The following ATP2A2 variants were observed in gnomAD, a reference collection of about 807,000 sequenced individuals.
ATP2A2 encodes the protein ATPase sarcoplasmic/endoplasmic reticulum Ca2+ transporting 2, also known as sarcoplasmic/endoplasmic reticulum calcium ATPase 2.
In ATP2A2, 14 loss-of-function variants were observed where a neutral mutation model predicts 109.3. That is an observed-to-expected ratio of 0.13 (90% CI 0.08 to 0.20). The LOEUF (loss-of-function observed/expected upper bound fraction) is 0.20, where lower values mean the gene tolerates loss of function less well. Ranked by LOEUF, ATP2A2 falls within the 10% of genes least tolerant of loss-of-function variation. The pLI, the probability that ATP2A2 is intolerant of heterozygous loss-of-function variation, is 1.00. For missense variants in ATP2A2, 657 were observed against 1,321.6 expected (o/e 0.50, Z 7.80); for synonymous variants, 506 against 490.9 (o/e 1.03, Z -0.41).
rs7978043 is a variant in ATP2A2, at chr12:110,339,158, C to T, written c.1420-123C>T. 2 of 1,371,032 alleles carry T rather than the reference C, an allele frequency of 1.5e-6. No homozygotes were observed. Among genetic ancestry groups the T allele is most frequent in the Non-Finnish European group, 2.0e-6 (2 of 976,006 alleles). The allele number at this position is 1,371,032 out of a possible 1,614,324, so 84.9% of individuals were successfully genotyped here. A position where few individuals can be genotyped will look rare whatever the true frequency, so the allele number is the denominator to read the frequency against. ...GGACAAGTTTCATGAGGGCAAAAAC[C>T]TGTCTGTTTTGTTTATTGCTATATT... On this transcript the variant is annotated intron_variant, in intron 11 of 19. Coordinates refer to ENST00000539276, the MANE Select transcript of ATP2A2 (RefSeq NM_170665.4). This position sits in a 1 kb window ranked among gnomAD's most constrained non-coding sequence, Gnocchi z 4.4.
chr12:110,341,822 T>C (rs563074100), intron 14 of ATP2A2, among the ~76,000 whole-genome samples: 50 of 152,286 alleles, frequency 3.3e-4, no homozygotes, highest in African/African-American at 1.2e-3. Flanking sequence ...GAGCCGAGAC[T>C]GCGCCACTGC....
At position 110,349,885 on chromosome 12, in the gene ATP2A2, G is replaced by T; in HGVS notation, c.*3415G>T. On this transcript the variant is annotated 3_prime_UTR_variant, in exon 20 of 20. Coordinates refer to ENST00000539276, the MANE Select transcript of ATP2A2 (RefSeq NM_170665.4). ...AAGGCAGGCGAGCAGCCAGAAGCCG[G>T]GTGCCCACAGGGCAGGGACAGGAAG... 1 of 1,060,644 alleles carries T rather than the reference G, an allele frequency of 9.4e-7. No individual in the cohort carries two copies. The highest frequency in any genetic ancestry group is 1.1e-6 in the Non-Finnish European group (1 of 876,032). The allele number at this position is 1,060,644 out of a possible 1,614,324, so 65.7% of individuals were successfully genotyped here.
chr12:110,347,486 A>C lies in ATP2A2; in HGVS notation c.*1016A>C. 7.8e-7 allele frequency: 1 copy of C among 1,289,140 alleles called. No individual in the cohort carries two copies. Among genetic ancestry groups the C allele is most frequent in the Non-Finnish European group, 1.0e-6 (1 of 988,710 alleles). 79.9% of individuals were successfully genotyped at this position (1,289,140 alleles called of 1,614,324 possible). A position where few individuals can be genotyped will look rare whatever the true frequency, so the allele number is the denominator to read the frequency against. On this transcript the variant is annotated 3_prime_UTR_variant, in exon 20 of 20. Transcript: ENST00000539276. Reference sequence around the variant, plus strand: ...GTCATAGGAATTGTATTCTTAATGTACAGGCACTAATTGTCATCTGTGATG... The same window carrying C: ...GTCATAGGAATTGTATTCTTAATGTCCAGGCACTAATTGTCATCTGTGATG...
In ATP2A2 at chr12:110,347,957, T is replaced by G. The variant is rs1386437567; in HGVS notation, c.*1487T>G. On this transcript the variant is annotated 3_prime_UTR_variant, in exon 20 of 20. Transcript: ENST00000539276. The stretch of plus-strand genomic sequence containing the variant: ...TTGCCTGTGGCGCCTGCCATGTGAC[T>G]CGGGCGCAGCATCAGCTGGCTGGAG... The G allele has an allele frequency of 4.1e-6, 4 of 987,404 alleles. No homozygotes were observed. In the East Asian group the frequency reaches 4.5e-4, roughly 111 times the overall value. The allele number at this position is 987,404 out of a possible 1,614,324, so 61.2% of individuals were successfully genotyped here. A position where few individuals can be genotyped will look rare whatever the true frequency, so the allele number is the denominator to read the frequency against.
intron 5 of ATP2A2, among the ~76,000 whole-genome samples, chr12:110,317,870 A>T (rs1876835627): frequency 6.6e-6 from 1 of 152,218 alleles, no homozygotes; most frequent in African/African-American, 2.4e-5. Flanking sequence ...TCTTTATTGT[A>T]ATAGCAAATT....
intron 5 of ATP2A2, among the ~76,000 whole-genome samples, chr12:110,307,683 C>A (rs559105788): frequency 6.6e-6 from 1 of 152,212 alleles, no homozygotes; most frequent in East Asian, 1.9e-4. Flanking sequence ...GCCCACTTTT[C>A]AACAGTGATT....
intron 4 of ATP2A2, among the ~76,000 whole-genome samples, chr12:110,294,492 G>C (rs1048776698): frequency 8.6e-5 from 13 of 151,866 alleles, no homozygotes; most frequent in African/African-American, 3.1e-4. Flanking sequence ...AGTCCCCGTC[G>C]CTACTAAAAA....
At chr12:110,329,677 C>G (rs1038258612) in intron 8 of ATP2A2, 1 of 152,342 alleles carries the variant, frequency 6.6e-6, no homozygotes, top group East Asian at 1.9e-4. Context: ...TTTTGAAAGC[C>G]TCCCAAAGTG....
At chr12:110,298,400 A>ATGT (rs1263802763) in intron 5 of ATP2A2, among the ~76,000 whole-genome samples, 2 of 152,220 alleles carry the variant, frequency 1.3e-5, no homozygotes, top group African/African-American at 4.8e-5. Flanking sequence ...TCAGAATGAA[A>ATGT]TGTCTTGGCT....
chr12:110,284,173 T>G (rs563281839), intron 3 of ATP2A2, among the ~76,000 whole-genome samples: 1 of 152,302 alleles, frequency 6.6e-6, no homozygotes, highest in African/African-American at 2.4e-5. Context: ...CTTGATTGAT[T>G]AAAAAATTTT....
Position 110,312,866 on chromosome 12 carries a change from G to C in ATP2A2, c.464-10126G>C, listed in dbSNP as rs11065624. Among the ~76,000 whole-genome samples, 188 of 142,678 alleles carry C rather than the reference G, an allele frequency of 1.3e-3. 1 individual carries two copies. In the East Asian group the frequency reaches 0.02, roughly 15 times the overall value. 93.6% of individuals were successfully genotyped at this position (142,678 alleles called of 152,430 possible). On this transcript the variant is annotated intron_variant, in intron 5 of 19. Coordinates refer to ENST00000539276, the MANE Select transcript of ATP2A2 (RefSeq NM_170665.4). The stretch of plus-strand genomic sequence containing the variant: ...CTCTGTTGCAAAAAAAAAAAAAAAA[G>C]AAAACAAAACAAAAAAGAAAAATTG...
At chr12:110,282,528 G>T in intron 1 of ATP2A2, 76 bp from the exon 2 acceptor site, 2 of 1,551,750 alleles carry the variant, frequency 1.3e-6, no homozygotes, top group Non-Finnish European at 1.8e-6. Flanking sequence ...GAAAAACGAA[G>T]TGCTAAAATG....
intron 16 of ATP2A2, 69 bp from the exon 17 acceptor site, chr12:110,344,817 C>T: frequency 6.8e-7 from 1 of 1,462,422 alleles, no homozygotes; most frequent in African/African-American, 1.4e-5. Flanking sequence ...TGGGGACTGG[C>T]CTGCATGGCC....
intron 4 of ATP2A2, 62 bp from the exon 5 acceptor site, chr12:110,296,537 G>A: frequency 6.3e-7 from 1 of 1,598,332 alleles, no homozygotes; most frequent in South Asian, 1.1e-5. Flanking sequence ...TTTATTCCTT[G>A]GGTTAGAAAT....
At chr12:110,303,502 C>T (rs1874911052) in intron 5 of ATP2A2, among the ~76,000 whole-genome samples, 1 of 152,168 alleles carries the variant, frequency 6.6e-6, no homozygotes, top group Non-Finnish European at 1.5e-5. Flanking sequence ...CCTCCGACTC[C>T]CTGGTTCAAG....
intron 5 of ATP2A2, among the ~76,000 whole-genome samples, chr12:110,311,909 G>A (rs1319646921): frequency 6.6e-6 from 1 of 151,602 alleles, no homozygotes; most frequent in African/African-American, 2.4e-5. Context: ...AGTGAGGCTG[G>A]GAGCCATGGC....
intron 5 of ATP2A2, among the ~76,000 whole-genome samples, chr12:110,304,192 T>G (rs903215078): frequency 6.6e-6 from 1 of 152,228 alleles, no homozygotes; most frequent in African/African-American, 2.4e-5. Flanking sequence ...GACATTTGGG[T>G]TGTTTCCAGT....
At chr12:110,293,266 G>T (rs1046315594) in intron 4 of ATP2A2, among the ~76,000 whole-genome samples, 1 of 151,248 alleles carries the variant, frequency 6.6e-6, no homozygotes, top group African/African-American at 2.4e-5. Flanking sequence ...AGTAGAGACG[G>T]GGTTTCACCA....
intron 5 of ATP2A2, among the ~76,000 whole-genome samples, chr12:110,315,257 ATC>A (rs1216757019): frequency 6.6e-6 from 1 of 152,140 alleles, no homozygotes; most frequent in Non-Finnish European, 1.5e-5. Context: ...TGTGATAAAA[ATC>A]TCTGTTGGTA....
Sources: allele counts gnomAD v4.1 joint callset (sites outside exome capture counted in the v4.1 genomes callset), GRCh38; gene constraint gnomAD v4.1.1; non-coding constraint Gnocchi (gnomAD v3.1); transcripts MANE v1.5; gene names NCBI Gene and HGNC (gene_info 2026-07-23, HGNC 2026-07-21).